RYR1: variants seen among roughly 807,000 people sequenced by gnomAD.
RYR1 encodes the protein central core disease of muscle.
RYR1 carries 342 observed loss-of-function variants against 583.5 expected under a neutral mutation model. That is an observed-to-expected ratio of 0.59 (90% CI 0.54 to 0.64). The LOEUF (loss-of-function observed/expected upper bound fraction) is 0.64, where lower values mean the gene tolerates loss of function less well. Among genes scored for constraint, RYR1 ranks in the 30% least tolerant of loss-of-function variants. The pLI is 0.00. For missense variants in RYR1, 6,032 were observed against 6,917.2 expected, an observed-to-expected ratio of 0.87 and a Z score of 4.54; for synonymous variants, 2,791 against 2,822.5, an observed-to-expected ratio of 0.99 and a Z score of 0.35.
At chr19:38,450,488 G>A (rs1967016723) in intron 11 of RYR1, among the ~76,000 whole-genome samples, 1 of 152,112 alleles carries the variant, frequency 6.6e-6, no homozygotes, top group Admixed American at 6.6e-5. Context: ...GTTAAGAGGG[G>A]ACATTTAATA....
intron 35 of RYR1, 61 bp from the exon 36 acceptor site, chr19:38,490,015 T>G (rs933255367): frequency 1.2e-5 from 19 of 1,566,402 alleles, no homozygotes; most frequent in Admixed American, 1.7e-5. Context: ...CAAGAGAAGT[T>G]TCAAGGAAGT....
rs1267437713 is a variant in RYR1, at chr19:38,565,116, A to C, written c.12782A>C (p.Glu4261Ala). The change falls in exon 91 of 106, where the codon GAG (glutamate) becomes GCG (alanine). Residue 4261 changes from glutamate (E) to alanine (A), a missense_variant. Transcript: ENST00000359596. The surrounding 1 kb of genome is among the most constrained non-coding windows in gnomAD (Gnocchi z 4.7). ...SEPEGEPETD[E>A]DEGAGAAEAG... ...CCCGAGGGCGAGCCGGAGACCGACG[A>C]GGACGAGGGCGCGGGCGCGGCGGAG... 2 of 1,540,160 alleles carry C rather than the reference A, an allele frequency of 1.3e-6. No homozygotes were observed. The highest frequency in any genetic ancestry group is 2.7e-5 in the African/African-American group (2 of 73,040).
chr19:38,451,341 T>C (rs1320957916), intron 11 of RYR1, among the ~76,000 whole-genome samples: 2 of 151,982 alleles, frequency 1.3e-5, no homozygotes, highest in East Asian at 1.9e-4. Flanking sequence ...TCTCACCTCG[T>C]GGAAAGGTGG....
rs1973151096 is a variant in RYR1 at position 38,561,701 on chromosome 19, A to G, written c.12624+247A>G. 6.6e-6 allele frequency among the ~76,000 whole-genome samples: 1 copy of G among 152,120 alleles called. No homozygotes were observed. The highest frequency in any genetic ancestry group is 1.5e-5 in the Non-Finnish European group (1 of 67,992). On this transcript the variant is annotated intron_variant, in intron 90 of 105. Transcript: ENST00000359596. The surrounding 1 kb of genome is among the most constrained non-coding windows in gnomAD (Gnocchi z 4.8). ...GATGCACACCCCTTGGGCATGAAGC[A>G]GGGTCAGTGTGTCCTGACTGTGGCT...
Position 38,444,699 on chromosome 19 carries a change from C to A in RYR1, c.631+22C>A, listed in dbSNP as rs201046737. ...GAGGGTGAGGGCCCCAGACCTCCCC[C>A]TAAATGGAGATCCCCCCAAAACAGA... On this transcript the variant is annotated intron_variant, in intron 7 of 105. Transcript: ENST00000359596. The surrounding 1 kb of genome is among the most constrained non-coding windows in gnomAD (Gnocchi z 5.1). 2 of 1,553,526 alleles carry A rather than the reference C, an allele frequency of 1.3e-6. No homozygotes were observed. The highest frequency in any genetic ancestry group is 2.3e-5 in the East Asian group (1 of 43,072).
In RYR1 at chr19:38,506,798, G is replaced by C. The variant is rs765506934; in HGVS notation, c.8693-31G>C. On this transcript the variant is annotated intron_variant, in intron 56 of 105. Coordinates refer to ENST00000359596, the MANE Select transcript of RYR1 (RefSeq NM_000540.3). ...GTGAGAGTGGCCCGGGTCTTCCCCA[G>C]AGCCCTGATTTCTGGTCTTTGCCTC... 5.6e-6 allele frequency: 9 copies of C among 1,613,906 alleles called. No individual in the cohort carries two copies. The African/African-American group carries it at 6.7e-5, about 12-fold the overall frequency.
At chr19:38,567,160 T>C (rs1255037441) in intron 92 of RYR1, among the ~76,000 whole-genome samples, 173 bp downstream of exon 92, 4 of 151,754 alleles carry the variant, frequency 2.6e-5, no homozygotes, top group African/African-American at 9.7e-5. Context: ...AAGAAATAAA[T>C]GCTCCAACCT....
At chr19:38,533,150 C>G (rs1971817989) in intron 78 of RYR1, among the ~76,000 whole-genome samples, 1 of 151,986 alleles carries the variant, frequency 6.6e-6, no homozygotes, top group South Asian at 2.1e-4. Flanking sequence ...GAGGAGGGGA[C>G]TTCTGAGCAG....
chr19:38,496,393 A>G lies in RYR1; in HGVS notation c.6664-16A>G. On this transcript the variant is annotated splice_polypyrimidine_tract_variant and intron_variant, in intron 40 of 105. Coordinates refer to ENST00000359596, the MANE Select transcript of RYR1 (RefSeq NM_000540.3). The surrounding 1 kb of genome is among the most constrained non-coding windows in gnomAD (Gnocchi z 4.8). ...CAGCCACAGAGGGCAGGCCCTGACC[A>G]CCCTGCCTGTCCCAGGAGATCCGCT... 1 of 1,613,272 alleles carries G rather than the reference A, an allele frequency of 6.2e-7. No homozygotes were observed. The highest frequency in any genetic ancestry group is 8.5e-7 in the Non-Finnish European group (1 of 1,179,984).
In RYR1 at chr19:38,446,719, G is replaced by A. The variant is rs1216903554; in HGVS notation, c.751G>A (p.Val251Met). The change falls in exon 9 of 106, where the codon GTG becomes ATG. Residue 251 changes from valine (V) to methionine (M), a missense_variant. Coordinates refer to ENST00000359596, the MANE Select transcript of RYR1 (RefSeq NM_000540.3). The stretch of plus-strand genomic sequence containing the variant: ...ACTTGTCTACTATGAGGGGGGAGCT[G>A]TGTGCACTCATGCCCGCTCCCTCTG... ...RRLVYYEGGA[V>M]CTHARSLWRL... is the part of the protein sequence containing the mutation. The A allele has an allele frequency of 2.5e-6, 4 of 1,613,912 alleles. No individual in the cohort carries two copies. The highest frequency in any genetic ancestry group is 2.5e-6 in the Non-Finnish European group (3 of 1,179,964).
Position 38,506,313 on chromosome 19 carries a change from C to T in RYR1, c.8552C>T (p.Pro2851Leu). 2 of 1,613,694 alleles carry T rather than the reference C, an allele frequency of 1.2e-6. No individual in the cohort carries two copies. Among genetic ancestry groups the T allele is most frequent in the Non-Finnish European group, 8.5e-7 (1 of 1,179,832 alleles). Residue 2851 changes from proline to leucine, a missense_variant, in exon 55 of 106, where the codon CCT (proline) becomes CTT (leucine). Transcript: ENST00000359596. ...KISQSAQTYDPREGYNPQPPD... is the reference protein window; with the variant it reads ...KISQSAQTYDLREGYNPQPPD... ...CCCTTGTCCTCTCAGACCTATGATC[C>T]TCGAGAAGGCTACAACCCTCAGCCC...
At chr19:38,446,622 C>A in intron 8 of RYR1, 57 bp downstream of exon 8, 2 of 1,600,504 alleles carry the variant, frequency 1.2e-6, no homozygotes, top group Non-Finnish European at 1.7e-6. Flanking sequence ...AGGGCTGGGA[C>A]CCTATGAGTA....
At chr19:38,448,930 T>G in intron 11 of RYR1, 117 bp downstream of exon 11, 1 of 997,240 alleles carries the variant, frequency 1.0e-6, no homozygotes, top group Non-Finnish European at 1.5e-6. Flanking sequence ...GGTGACAGAG[T>G]GAGATGGGGT....
At chr19:38,447,327 G>A (rs1312586721) in intron 9 of RYR1, among the ~76,000 whole-genome samples, 3 of 152,066 alleles carry the variant, frequency 2.0e-5, no homozygotes, top group African/African-American at 7.2e-5. Context: ...GATCACTTGA[G>A]GTCAGGAGTT....
In RYR1 at chr19:38,523,115, C is replaced by T. The variant is rs373702420; in HGVS notation, c.10347C>T (p.His3449=). Residue 3449 remains histidine, a splice_region_variant and synonymous_variant, in exon 68 of 106, where the codon CAC becomes CAT. Coordinates refer to ENST00000359596, the MANE Select transcript of RYR1 (RefSeq NM_000540.3). ...GEIFIYWSKS[H]NFKREEQNFV... Reference sequence around the variant, plus strand: ...TCTTCATCTACTGGTCCAAGTCCCACGTGAGTGCCCACCCCAACCGCCCTC... The same window carrying T: ...TCTTCATCTACTGGTCCAAGTCCCATGTGAGTGCCCACCCCAACCGCCCTC... 3.3e-5 allele frequency: 53 copies of T among 1,613,572 alleles called. No homozygotes were observed. The highest frequency in any genetic ancestry group is 8.0e-5 in the African/African-American group (6 of 74,900).
chr19:38,559,264 C>T (rs942337039), intron 89 of RYR1, among the ~76,000 whole-genome samples: 8 of 134,722 alleles, frequency 5.9e-5, no homozygotes, highest in Admixed American at 8.0e-5. Context: ...GACAGGGTCT[C>T]GCTCTTATTG....
At position 38,444,125 on chromosome 19, in the gene RYR1, C is replaced by T. The variant is rs907374033; in HGVS notation, c.425-24C>T. 6.3e-7 allele frequency: 1 copy of T among 1,592,544 alleles called. No individual in the cohort carries two copies. The highest frequency in any genetic ancestry group is 8.6e-7 in the Non-Finnish European group (1 of 1,160,426). On this transcript the variant is annotated intron_variant, in intron 5 of 105. Transcript: ENST00000359596. The surrounding 1 kb of genome is among the most constrained non-coding windows in gnomAD (Gnocchi z 5.1). The stretch of plus-strand genomic sequence containing the variant: ...CTGGGAAGCCATCATCTGACAGCCA[C>T]CCCCATTCCATCCCCACCCATAGGA...
chr19:38,554,720 G>C (rs1972809371), intron 89 of RYR1, among the ~76,000 whole-genome samples: 2 of 151,986 alleles, frequency 1.3e-5, no homozygotes, highest in South Asian at 4.2e-4. Context: ...GGATCCTCCT[G>C]CCTCAGCCTC....
rs1555800818 is a variant in RYR1, at chr19:38,567,905, G to A, written c.13647G>A (p.Arg4549=). ...TCTGGGGAGAACTGGAGGTGCAGAG[G>A]GTGAAGTTCCTGGTAAGGATCCAGC... ...GEFWGELEVQ[R]VKFLNYLSRN... Residue 4549 remains arginine (R), a synonymous_variant, in exon 93 of 106, where the codon AGG becomes AGA. Coordinates refer to ENST00000359596, the MANE Select transcript of RYR1 (RefSeq NM_000540.3). The A allele has an allele frequency of 1.2e-6, 2 of 1,613,480 alleles. No individual in the cohort carries two copies. Among genetic ancestry groups the A allele is most frequent in the African/African-American group, 1.3e-5 (1 of 74,986 alleles).
Sources: allele counts gnomAD v4.1 joint callset (sites outside exome capture counted in the v4.1 genomes callset), GRCh38; gene constraint gnomAD v4.1.1; non-coding constraint Gnocchi (gnomAD v3.1); transcripts MANE v1.5; gene names NCBI Gene and HGNC (gene_info 2026-07-23, HGNC 2026-07-21).